Variants in PCDHGA10 observed in about 807,000 individuals in gnomAD.
The protein encoded by PCDHGA10 is protocadherin gamma-A10.
A neutral mutation model predicts 59.5 loss-of-function variants in PCDHGA10; 42 were observed. That is an observed-to-expected ratio of 0.71 (90% CI 0.55 to 0.91). The LOEUF (loss-of-function observed/expected upper bound fraction) is 0.91. Ranked by LOEUF, PCDHGA10 falls within the 40% of genes least tolerant of loss-of-function variation. The pLI is 0.00. For synonymous variants in PCDHGA10, 511 were observed against 517.2 expected (o/e 0.99, Z 0.16); for missense variants, 1,111 against 1,198.2 (o/e 0.93, Z 1.07).
At position 141,485,939 on chromosome 5, in the gene PCDHGA10, C is replaced by A; in HGVS notation, c.2437-8868C>A. ...CAGGATTAGTGTGTTGGAGAGCGCA[C>A]CAGCGGGCATGGTGCTCATCCAGCT... On this transcript the variant is annotated intron_variant, in intron 1 of 3. Transcript: ENST00000398610. This position sits in a 1 kb window ranked among gnomAD's most constrained non-coding sequence, Gnocchi z 5.7. 1 of 1,614,140 alleles carries A rather than the reference C, an allele frequency of 6.2e-7. No homozygotes were observed. The highest frequency in any genetic ancestry group is 8.5e-7 in the Non-Finnish European group (1 of 1,180,030).
At chr5:141,451,185 T>C (rs900513875) in intron 1 of PCDHGA10, among the ~76,000 whole-genome samples, 1 of 152,182 alleles carries the variant, frequency 6.6e-6, no homozygotes, top group Non-Finnish European at 1.5e-5. Context: ...GCCATTGCTG[T>C]GTAACAAATT....
intron 1 of PCDHGA10, chr5:141,427,830 C>G (rs749612858): frequency 7.8e-6 from 12 of 1,538,206 alleles, no homozygotes; most frequent in Non-Finnish European, 1.1e-5. Context: ...GGTCGCGCAG[C>G]GTGCCTTCGA....
At chr5:141,499,272 GT>G (rs772636179) in intron 2 of PCDHGA10, among the ~76,000 whole-genome samples, 3 of 152,122 alleles carry the variant, frequency 2.0e-5, no homozygotes, top group Non-Finnish European at 4.4e-5. Flanking sequence ...TCCCTAGACT[GT>G]TCTCTGATGG....
intron 1 of PCDHGA10, among the ~76,000 whole-genome samples, chr5:141,482,178 C>T (rs950570560): frequency 2.6e-5 from 4 of 151,968 alleles, no homozygotes; most frequent in African/African-American, 4.8e-5. Context: ...TAAGGCTTTA[C>T]GATGCTCCAG....
chr5:141,504,461 C>T (rs1485490028), intron 2 of PCDHGA10, among the ~76,000 whole-genome samples: 1 of 151,900 alleles, frequency 6.6e-6, no homozygotes, highest in Non-Finnish European at 1.5e-5. Flanking sequence ...GTGGGGCAGC[C>T]GCTGGGATGG....
chr5:141,511,041 C>T lies in PCDHGA10; in HGVS notation c.2679C>T (p.Pro893=), dbSNP rs1421629777. 1.5e-5 allele frequency: 24 copies of T among 1,614,076 alleles called. No individual in the cohort carries two copies. The highest frequency in any genetic ancestry group is 5.5e-5 in the South Asian group (5 of 91,092). Residue 893 remains proline, a synonymous_variant, in exon 4 of 4, where the codon CCC becomes CCT. Transcript: ENST00000398610. The part of the protein sequence containing the change: ...YGPQFTLQHV[P]DYRQNVYIPG... ...CCCAGTTCACCCTGCAGCACGTGCCCGACTACCGCCAGAATGTCTACATCC... is the reference window on the plus strand; with the variant it reads ...CCCAGTTCACCCTGCAGCACGTGCCTGACTACCGCCAGAATGTCTACATCC...
Position 141,485,302 on chromosome 5 carries a change from T to C in PCDHGA10, c.2437-9505T>C. 1.2e-6 allele frequency: 2 copies of C among 1,614,152 alleles called. No homozygotes were observed. Among genetic ancestry groups the C allele is most frequent in the South Asian group, 2.2e-5 (2 of 91,078 alleles). On this transcript the variant is annotated intron_variant, in intron 1 of 3. Coordinates refer to ENST00000398610, the MANE Select transcript of PCDHGA10 (RefSeq NM_018913.3). This position sits in a 1 kb window ranked among gnomAD's most constrained non-coding sequence, Gnocchi z 5.7. ...TCCCAGAGGAGTCACAGGAAGGGAC[T>C]TTTGTAGGGAATGTCGCTCAAGATT... is the stretch of plus-strand genomic sequence containing the variant.
chr5:141,440,618 C>G (rs1287745652), intron 1 of PCDHGA10: 3 of 152,196 alleles, frequency 2.0e-5, no homozygotes, highest in South Asian at 2.1e-4. Context: ...GCAGAAGATC[C>G]TGATGTTGAG....
intron 1 of PCDHGA10, among the ~76,000 whole-genome samples, chr5:141,446,120 T>C (rs2098489182): frequency 6.6e-6 from 1 of 152,196 alleles, no homozygotes; most frequent in Admixed American, 6.5e-5. Flanking sequence ...AGGAAATGGG[T>C]TCAATAAGAC....
chr5:141,445,115 A>G (rs1038787011), intron 1 of PCDHGA10, among the ~76,000 whole-genome samples: 1 of 152,308 alleles, frequency 6.6e-6, no homozygotes, highest in East Asian at 1.9e-4. Flanking sequence ...GTTATTGTAA[A>G]TAGTATTTTT....
intron 1 of PCDHGA10, among the ~76,000 whole-genome samples, chr5:141,479,998 G>A (rs2099511091): frequency 6.6e-6 from 1 of 152,272 alleles, no homozygotes; most frequent in South Asian, 2.1e-4. Flanking sequence ...AGGAGTCTGT[G>A]GCCAAGTTAC....
chr5:141,418,125 G>T (rs765373450), intron 1 of PCDHGA10: 7 of 1,613,968 alleles, frequency 4.3e-6, no homozygotes, highest in African/African-American at 2.7e-5. Flanking sequence ...GTGAAGGACC[G>T]AATAGACCGT....
At position 141,471,055 on chromosome 5, in the gene PCDHGA10, T is replaced by C. The variant is rs1229791864; in HGVS notation, c.2437-23752T>C. Reference sequence around the variant, plus strand: ...AACAAGCCCAAGCCCTCTTTTTTTTTTTTTTTTTTTTGAGACAGGGTCTCC... The same window carrying C: ...AACAAGCCCAAGCCCTCTTTTTTTTCTTTTTTTTTTTGAGACAGGGTCTCC... On this transcript the variant is annotated intron_variant, in intron 1 of 3. Coordinates refer to ENST00000398610, the MANE Select transcript of PCDHGA10 (RefSeq NM_018913.3). Among the ~76,000 whole-genome samples the C allele has an allele frequency of 1.7e-4, 25 of 148,764 alleles. 2 individuals are homozygous for C. The Admixed American group carries it at 1.7e-3, about 10-fold the overall frequency.
rs1379875429 is a variant in PCDHGA10 at position 141,491,125 on chromosome 5, C to T, written c.2437-3682C>T. 3.1e-6 allele frequency: 5 copies of T among 1,614,020 alleles called. No homozygotes were observed. The highest frequency in any genetic ancestry group is 4.2e-6 in the Non-Finnish European group (5 of 1,179,992). ...CGTGTCTACACACACTGGTGAGGTG[C>T]GCACAGCCCGGGCCTTACTGGAGGA... On this transcript the variant is annotated intron_variant, in intron 1 of 3. Coordinates refer to ENST00000398610, the MANE Select transcript of PCDHGA10 (RefSeq NM_018913.3). The surrounding 1 kb of genome is among the most constrained non-coding windows in gnomAD (Gnocchi z 6.9).
intron 1 of PCDHGA10, among the ~76,000 whole-genome samples, chr5:141,474,669 C>T (rs983136753): frequency 6.6e-6 from 1 of 152,198 alleles, no homozygotes; most frequent in Non-Finnish European, 1.5e-5. Flanking sequence ...CCTACCTAAC[C>T]TATGTGCCTA....
At chr5:141,482,936 G>T (rs2099574800) in intron 1 of PCDHGA10, among the ~76,000 whole-genome samples, 1 of 152,050 alleles carries the variant, frequency 6.6e-6, no homozygotes, top group Admixed American at 6.5e-5. Context: ...AGCCAGGTGT[G>T]GTTGTGGGTG....
At position 141,432,783 on chromosome 5, in the gene PCDHGA10, T is replaced by G; in HGVS notation, c.2436+17172T>G. The G allele has an allele frequency of 6.2e-7, 1 of 1,614,118 alleles. No individual in the cohort carries two copies. On this transcript the variant is annotated intron_variant, in intron 1 of 3. Transcript: ENST00000398610. The surrounding 1 kb of genome is among the most constrained non-coding windows in gnomAD (Gnocchi z 6.0). ...AGCATCCCCCAAGTCCTGGCGGACC[T>G]CGGCAGCCTCGAGTCTCCAGCTAAC...
chr5:141,422,811 C>T (rs748248571), intron 1 of PCDHGA10: 1 of 1,614,248 alleles, frequency 6.2e-7, no homozygotes, highest in Non-Finnish European at 8.5e-7. Context: ...AGTTTCGAGA[C>T]TTAGAACTGA....
intron 1 of PCDHGA10, chr5:141,423,971 G>T: frequency 8.8e-7 from 1 of 1,136,014 alleles, no homozygotes; most frequent in Non-Finnish European, 1.1e-6. Context: ...TCTATTATCA[G>T]TGTATGAGGC....
Sources: allele counts gnomAD v4.1 joint callset (sites outside exome capture counted in the v4.1 genomes callset), GRCh38; gene constraint gnomAD v4.1.1; non-coding constraint Gnocchi (gnomAD v3.1); transcripts MANE v1.5; gene names NCBI Gene and HGNC (gene_info 2026-07-23, HGNC 2026-07-21).